The following COPE variants were observed in gnomAD, a reference collection of about 807,000 sequenced individuals.
COPE encodes coatomer subunit epsilon.
COPE carries 19 observed loss-of-function variants against 42.1 expected under a neutral mutation model. The ratio of observed to expected loss-of-function variants is 0.45; its 90% CI spans 0.31 to 0.66. The LOEUF is 0.66. COPE is among the 30% of genes least tolerant of loss of function. The pLI is 0.05. For synonymous variants in COPE, 195 were observed against 181.3 expected (o/e 1.08, Z -0.60); for missense variants, 402 against 416.1 (o/e 0.97, Z 0.30).
At chr19:18,905,790 T>G in intron 4 of COPE, 161 bp from the exon 5 acceptor site, 1 of 656,280 alleles carries the variant, frequency 1.5e-6, no homozygotes, top group South Asian at 2.0e-5. Flanking sequence ...CTCCCACATT[T>G]CACCGCTCAG....
At chr19:18,910,088 G>A (rs2056796017) in intron 3 of COPE, among the ~76,000 whole-genome samples, 4 of 152,186 alleles carry the variant, frequency 2.6e-5, no homozygotes, top group South Asian at 4.1e-4. Context: ...CGTGGGCCAA[G>A]GAAGAGCAGG....
intron 2 of COPE, among the ~76,000 whole-genome samples, chr19:18,911,968 A>C (rs2056815032): frequency 6.6e-6 from 1 of 151,116 alleles, no homozygotes; most frequent in African/African-American, 2.4e-5. Context: ...CTCCTGCCTC[A>C]GCCTCCCAAG....
intron 3 of COPE, among the ~76,000 whole-genome samples, chr19:18,908,503 T>C (rs1370238893): frequency 2.8e-5 from 4 of 142,748 alleles, no homozygotes; most frequent in South Asian, 2.2e-4. Flanking sequence ...CTGGGCAACA[T>C]GGCAAAACCC....
chr19:18,902,664 CAA>C (rs58795923), intron 7 of COPE, among the ~76,000 whole-genome samples: 12 of 41,284 alleles, frequency 2.9e-4, no homozygotes, highest in East Asian at 6.0e-4. Context: ...GACTCCATCT[CAA>C]AAAAAAAAAA....
chr19:18,905,566 G>A lies in COPE; in HGVS notation c.497+10C>T, dbSNP rs1475857129. On this transcript the variant is annotated intron_variant, in intron 5 of 9. Transcript: ENST00000262812. ...GCTCAGTGCGGGTGGAGAGGGGCAG[G>A]AGGGCTCACCGGGCGAGGTCCAGGC... 1 of 1,585,964 alleles carries A rather than the reference G, an allele frequency of 6.3e-7. No homozygotes were observed. Among genetic ancestry groups the A allele is most frequent in the Non-Finnish European group, 8.5e-7 (1 of 1,174,342 alleles).
chr19:18,915,554 G>C (rs914735684), intron 1 of COPE, among the ~76,000 whole-genome samples: 12 of 152,176 alleles, frequency 7.9e-5, no homozygotes, highest in Non-Finnish European at 7.3e-5. Context: ...GGCTCACTAC[G>C]ATCACCTGGG....
In COPE at chr19:18,904,681, G is replaced by A. The variant is rs2056741593; in HGVS notation, c.579+90C>T. On this transcript the variant is annotated intron_variant, in intron 6 of 9. Coordinates refer to ENST00000262812, the MANE Select transcript of COPE (RefSeq NM_007263.4). Reference sequence around the variant, plus strand: ...CTGATCCTGGAGCCCCACTGGAGTGGCCAGCAGCCTACGCACAGGTGGGGG... The same window carrying A: ...CTGATCCTGGAGCCCCACTGGAGTGACCAGCAGCCTACGCACAGGTGGGGG... 13 of 1,156,736 alleles carry A rather than the reference G, an allele frequency of 1.1e-5. No individual in the cohort carries two copies. The South Asian group carries it at 1.7e-4, about 15-fold the overall frequency. 71.7% of individuals were successfully genotyped at this position (1,156,736 alleles called of 1,614,324 possible).
At position 18,910,717 on chromosome 19, in the gene COPE, T is replaced by C. The variant is rs2056801477; in HGVS notation, c.290+254A>G. On this transcript the variant is annotated intron_variant, in intron 3 of 9. Coordinates refer to ENST00000262812, the MANE Select transcript of COPE (RefSeq NM_007263.4). The stretch of plus-strand genomic sequence containing the variant: ...AGTTCTAGGTTCAGAGAGTGCCTTG[T>C]GGTCCATGAGGGCGTGTGCACACAC... 9.1e-6 allele frequency: 5 copies of C among 552,278 alleles called. No individual in the cohort carries two copies. In the Middle Eastern group the frequency reaches 2.0e-3, roughly 218 times the overall value. 34.2% of individuals were successfully genotyped at this position (552,278 alleles called of 1,614,324 possible). A position where few individuals can be genotyped will look rare whatever the true frequency, so the allele number is the denominator to read the frequency against.
chr19:18,905,763 A>G, intron 4 of COPE, 134 bp from the exon 5 acceptor site: 1 of 806,656 alleles, frequency 1.2e-6, no homozygotes, highest in South Asian at 1.7e-5. Flanking sequence ...CCCGCCCAGC[A>G]GAGGAGGACA....
chr19:18,906,888 G>C, intron 4 of COPE, 72 bp downstream of exon 4: 1 of 1,465,596 alleles, frequency 6.8e-7, no homozygotes, highest in Non-Finnish European at 9.1e-7. Flanking sequence ...CAGCGAGGCC[G>C]TGCGCAGCCT....
intron 4 of COPE, chr19:18,906,011 G>A: frequency 2.3e-6 from 1 of 426,526 alleles, no homozygotes; most frequent in East Asian, 3.6e-5. Context: ...ACCTGCAGCA[G>A]AGCCCTGGGG....
chr19:18,902,607 T>G (rs138468266), intron 7 of COPE, among the ~76,000 whole-genome samples: 6,952 of 136,922 alleles, frequency 0.051, 600 homozygotes, highest in African/African-American at 0.18. Flanking sequence ...GGAGGTTGCA[T>G]TGAGCTGAGA....
At chr19:18,909,968 C>T (rs547496341) in intron 3 of COPE, among the ~76,000 whole-genome samples, 6 of 152,184 alleles carry the variant, frequency 3.9e-5, no homozygotes, top group African/African-American at 1.4e-4. Context: ...TATGGACGTA[C>T]CTTTTGGGGG....
chr19:18,899,863 C>T lies in COPE; in HGVS notation c.879+10G>A, dbSNP rs762261480. On this transcript the variant is annotated intron_variant, in intron 9 of 9. Coordinates refer to ENST00000262812, the MANE Select transcript of COPE (RefSeq NM_007263.4). ...CTGGTTCTCGGGGACAGGCCATCCC[C>T]ACCACTCACCTTGGCCTGGTACTCC... The T allele has an allele frequency of 1.2e-6, 2 of 1,612,886 alleles. No homozygotes were observed. Among genetic ancestry groups the T allele is most frequent in the Admixed American group, 1.7e-5 (1 of 59,926 alleles).
At position 18,914,044 on chromosome 19, in the gene COPE, T is replaced by C. The variant is rs562204893; in HGVS notation, c.127-998A>G. On this transcript the variant is annotated intron_variant, in intron 1 of 9. Coordinates refer to ENST00000262812, the MANE Select transcript of COPE (RefSeq NM_007263.4). ...GGCCCCAGCCTGACTCAGGCTGCCA[T>C]TGCCAAGAGGACCCAGCAGCTTCTG... Among the ~76,000 whole-genome samples the C allele has an allele frequency of 9.9e-5, 15 of 152,184 alleles. No individual in the cohort carries two copies. In the South Asian group the frequency reaches 2.3e-3, roughly 23 times the overall value.
At chr19:18,915,733 G>A (rs1026664350) in intron 1 of COPE, among the ~76,000 whole-genome samples, 2 of 152,188 alleles carry the variant, frequency 1.3e-5, no homozygotes, top group African/African-American at 4.8e-5. Context: ...AGAAACCTTG[G>A]GGGTAGTAAC....
At chr19:18,919,102 G>A (rs372771208) in intron 1 of COPE, 121 bp downstream of exon 1, 5 of 997,452 alleles carry the variant, frequency 5.0e-6, no homozygotes, top group Admixed American at 2.2e-5. Context: ...CTGTGGAAGA[G>A]GTGGCCCAAA....
At chr19:18,902,179 C>CAAAA (rs34747007) in intron 7 of COPE, among the ~76,000 whole-genome samples, 5 of 108,132 alleles carry the variant, frequency 4.6e-5, no homozygotes, top group African/African-American at 1.9e-4. Flanking sequence ...GACTCCATCT[C>CAAAA]AAAAAAAAAA....
chr19:18,899,555 G>A lies in COPE; in HGVS notation c.*124C>T, dbSNP rs1224425016. 1.2e-6 allele frequency: 1 copy of A among 858,120 alleles called. No individual in the cohort carries two copies. The highest frequency in any genetic ancestry group is 1.5e-5 in the South Asian group (1 of 67,346). 53.2% of individuals were successfully genotyped at this position (858,120 alleles called of 1,614,324 possible). A position where few individuals can be genotyped will look rare whatever the true frequency, so the allele number is the denominator to read the frequency against. On this transcript the variant is annotated 3_prime_UTR_variant, in exon 10 of 10. Coordinates refer to ENST00000262812, the MANE Select transcript of COPE (RefSeq NM_007263.4). ...GGAGTTGAGATATTTATTAACAGATGGGGGTGCTGGGGGTGGGCTCCTGCC... is the reference window on the plus strand; with the variant it reads ...GGAGTTGAGATATTTATTAACAGATAGGGGTGCTGGGGGTGGGCTCCTGCC...
Sources: allele counts gnomAD v4.1 joint callset (sites outside exome capture counted in the v4.1 genomes callset), GRCh38; gene constraint gnomAD v4.1.1; transcripts MANE v1.5; gene names NCBI Gene and HGNC (gene_info 2026-07-23, HGNC 2026-07-21).